LMTK2: variants seen among roughly 807,000 people sequenced by gnomAD.
LMTK2 encodes serine/threonine-protein kinase LMTK2.
A neutral mutation model predicts 127.5 loss-of-function variants in LMTK2; 37 were observed. The observed-to-expected ratio is 0.29, with a 90% confidence interval of 0.22 to 0.38. The LOEUF is 0.38. Among genes scored for constraint, LMTK2 ranks in the 10% least tolerant of loss-of-function variants. The pLI, the probability that LMTK2 is intolerant of heterozygous loss-of-function variation, is 1.00. For missense variants in LMTK2, 1,694 were observed against 1,920.3 expected (o/e 0.88, Z 2.20); for synonymous variants, 819 against 810.1 (o/e 1.01, Z -0.19).
chr7:98,188,464 A>G (rs1473732091), intron 9 of LMTK2, among the ~76,000 whole-genome samples: 1 of 151,906 alleles, frequency 6.6e-6, no homozygotes, highest in African/African-American at 2.4e-5. Flanking sequence ...AGTTATTATT[A>G]TATATATTTT....
Position 98,208,427 on chromosome 7 carries a change from G to A in LMTK2, c.*2935G>A, listed in dbSNP as rs1797841444. On this transcript the variant is annotated 3_prime_UTR_variant, in exon 14 of 14. Transcript: ENST00000297293. Reference sequence around the variant, plus strand: ...TTTTTAACTAATAAGTTGGTTATCAGTGGTGGGTTTTCAAAATGTACTTGT... The same window carrying A: ...TTTTTAACTAATAAGTTGGTTATCAATGGTGGGTTTTCAAAATGTACTTGT... The A allele has an allele frequency of 6.6e-6, 1 of 152,186 alleles. No homozygotes were observed. The highest frequency in any genetic ancestry group is 2.4e-5 in the African/African-American group (1 of 41,448). 9.4% of individuals were successfully genotyped at this position (152,186 alleles called of 1,614,324 possible). A position where few individuals can be genotyped will look rare whatever the true frequency, so the allele number is the denominator to read the frequency against.
intron 6 of LMTK2, among the ~76,000 whole-genome samples, chr7:98,160,893 G>A (rs964850896): frequency 6.6e-6 from 1 of 152,106 alleles, no homozygotes; most frequent in African/African-American, 2.4e-5. Flanking sequence ...TGGTTTTATT[G>A]ATACTAATAT....
In LMTK2 at chr7:98,190,764, T is replaced by G. The variant is rs755345580; in HGVS notation, c.1035T>G (p.Asn345Lys). 6.2e-7 allele frequency: 1 copy of G among 1,614,132 alleles called. No homozygotes were observed. Among genetic ancestry groups the G allele is most frequent in the South Asian group, 1.1e-5 (1 of 91,084 alleles). Reference protein sequence around the residue: ...LGVTLWELFDNAAQPYSNLSN... With the variant: ...LGVTLWELFDKAAQPYSNLSN... ...TGACACTTTGGGAGCTTTTTGACAA[T>G]GCCGCACAGCCGTATTCAAACCTTT... The change falls in exon 10 of 14, where the codon AAT becomes AAG. Residue 345 changes from asparagine (N) to lysine (K), a missense_variant. Physicochemically the swap from Asn to Lys is moderately conservative, Grantham distance 94 (BLOSUM62 0). Around this residue, in one of 8 missense-constraint regions of LMTK2, gnomAD observed 216 missense variants for 266.8 expected, o/e 0.81. Coordinates refer to ENST00000297293, the MANE Select transcript of LMTK2 (RefSeq NM_014916.4).
intron 1 of LMTK2, among the ~76,000 whole-genome samples, chr7:98,107,561 T>A (rs571729606): frequency 5.9e-5 from 9 of 152,354 alleles, no homozygotes; most frequent in African/African-American, 2.2e-4. Flanking sequence ...CCTGTTGCCT[T>A]AAGATCCTCA....
intron 1 of LMTK2, among the ~76,000 whole-genome samples, chr7:98,129,405 TCTTA>T (rs1456074109): frequency 1.3e-5 from 2 of 151,810 alleles, no homozygotes; most frequent in Non-Finnish European, 2.9e-5. Flanking sequence ...TGTGATAGGG[TCTTA>T]CTTTGTTGTC....
intron 5 of LMTK2, among the ~76,000 whole-genome samples, chr7:98,157,640 T>TAAAAAAAAAAAAAAAAAAAAAAA (rs34715220): frequency 3.5e-5 from 4 of 114,390 alleles, no homozygotes; most frequent in Non-Finnish European, 3.6e-5. Context: ...GCTCCCACAT[T>TAAAAAAAAAAAAAAAAAAAAAAA]AAAAAAAAAA....
At position 98,205,542 on chromosome 7, in the gene LMTK2, C is replaced by CG. The variant is rs1364709106; in HGVS notation, c.*51dup. On this transcript the variant is annotated 3_prime_UTR_variant, in exon 14 of 14. Transcript: ENST00000297293. ...GTCCGAGGCTGCTCCCCTGGAGCGG[C>CG]GCCCCTGCGCCCTCAGCCCGAGCAG... 1 of 1,594,580 alleles carries CG rather than the reference C, an allele frequency of 6.3e-7. No homozygotes were observed. Among genetic ancestry groups the CG allele is most frequent in the East Asian group, 2.2e-5 (1 of 44,682 alleles).
chr7:98,108,955 C>A lies in LMTK2; in HGVS notation c.103+1675C>A, dbSNP rs1402138735. On this transcript the variant is annotated intron_variant, in intron 1 of 13. Coordinates refer to ENST00000297293, the MANE Select transcript of LMTK2 (RefSeq NM_014916.4). Reference sequence around the variant, plus strand: ...TCAGCTGACTGCAACCCCCCCCTTCCGAGTTCAAGCAGTTCTCTGCCTCAG... The same window carrying A: ...TCAGCTGACTGCAACCCCCCCCTTCAGAGTTCAAGCAGTTCTCTGCCTCAG... 6.6e-5 allele frequency among the ~76,000 whole-genome samples: 10 copies of A among 151,112 alleles called. No individual in the cohort carries two copies. In the East Asian group the frequency reaches 2.0e-3, roughly 30 times the overall value.
rs1264016123 is a variant in LMTK2 at position 98,144,937 on chromosome 7, A to AT, written c.376+3399dup. Among the ~76,000 whole-genome samples the AT allele has an allele frequency of 1.1e-4, 16 of 152,176 alleles. No homozygotes were observed. The East Asian group carries it at 2.9e-3, about 28-fold the overall frequency. On this transcript the variant is annotated intron_variant, in intron 3 of 13. Coordinates refer to ENST00000297293, the MANE Select transcript of LMTK2 (RefSeq NM_014916.4). ...TTTAAACAGCCCCCTGTTGATGGAT[A>AT]TTTGGCTTGTTTCTAATGCGAAAAC...
At chr7:98,123,635 A>G (rs1313330253) in intron 1 of LMTK2, among the ~76,000 whole-genome samples, 1 of 151,934 alleles carries the variant, frequency 6.6e-6, no homozygotes, top group Non-Finnish European at 1.5e-5. Context: ...TCATTCATCA[A>G]CATGGATGCA....
intron 11 of LMTK2, among the ~76,000 whole-genome samples, chr7:98,198,441 G>A (rs1306761874): frequency 1.3e-5 from 2 of 152,064 alleles, no homozygotes; most frequent in East Asian, 1.9e-4. Context: ...TGCCCACCTC[G>A]GCCTCCCAGA....
intron 3 of LMTK2, among the ~76,000 whole-genome samples, chr7:98,149,344 C>A (rs746283416): frequency 1.3e-5 from 2 of 152,202 alleles, no homozygotes; most frequent in Admixed American, 6.5e-5. Context: ...AGTGGACTTT[C>A]TCCTGGCTCA....
At chr7:98,170,034 A>G (rs1584277013) in intron 6 of LMTK2, among the ~76,000 whole-genome samples, 1 of 152,244 alleles carries the variant, frequency 6.6e-6, no homozygotes, top group Non-Finnish European at 1.5e-5. Flanking sequence ...TTCTTATAAA[A>G]TACATTGATG....
chr7:98,146,966 A>G (rs936792933), intron 3 of LMTK2, among the ~76,000 whole-genome samples: 1 of 152,218 alleles, frequency 6.6e-6, no homozygotes, highest in Admixed American at 6.5e-5. Context: ...ACATTTGTTT[A>G]TCTCAGAATG....
At position 98,171,720 on chromosome 7, in the gene LMTK2, G is replaced by A; in HGVS notation, c.791+46G>A. The A allele has an allele frequency of 6.6e-7, 1 of 1,514,218 alleles. No homozygotes were observed. Among genetic ancestry groups the A allele is most frequent in the South Asian group, 1.3e-5 (1 of 75,864 alleles). The allele number at this position is 1,514,218 out of a possible 1,614,324, so 93.8% of individuals were successfully genotyped here. On this transcript the variant is annotated intron_variant, in intron 7 of 13. Coordinates refer to ENST00000297293, the MANE Select transcript of LMTK2 (RefSeq NM_014916.4). The surrounding 1 kb of genome is among the most constrained non-coding windows in gnomAD (Gnocchi z 5.1). ...TGCACGCCCCACACAGCACCGGCGG[G>A]ACAGTCCAGAGAGGCTGCCGAGTTT...
chr7:98,185,232 C>A, intron 8 of LMTK2, 97 bp downstream of exon 8: 4 of 828,660 alleles, frequency 4.8e-6, no homozygotes, highest in Non-Finnish European at 7.9e-6. Context: ...GAATCTTAGT[C>A]GCTAGGCTTT....
intron 4 of LMTK2, among the ~76,000 whole-genome samples, chr7:98,153,858 T>C (rs1248074382): frequency 6.6e-6 from 1 of 151,454 alleles, no homozygotes; most frequent in Admixed American, 6.6e-5. Flanking sequence ...AGAGCAAGAC[T>C]GTCTCAAAAA....
At chr7:98,122,607 T>C (rs1796378468) in intron 1 of LMTK2, among the ~76,000 whole-genome samples, 1 of 151,958 alleles carries the variant, frequency 6.6e-6, no homozygotes, top group South Asian at 2.1e-4. Context: ...TATGTCCTCT[T>C]TGTCTCCTGC....
chr7:98,133,487 T>G (rs1406430968), intron 1 of LMTK2, among the ~76,000 whole-genome samples: 1 of 152,174 alleles, frequency 6.6e-6, no homozygotes, highest in African/African-American at 2.4e-5. Context: ...TATGGAAGTT[T>G]TTTTTTTTCA....
Sources: allele counts gnomAD v4.1 joint callset (sites outside exome capture counted in the v4.1 genomes callset), GRCh38; gene constraint gnomAD v4.1.1; regional missense constraint gnomAD v4.1.1; non-coding constraint Gnocchi (gnomAD v3.1); transcripts MANE v1.5; gene names NCBI Gene and HGNC (gene_info 2026-07-23, HGNC 2026-07-21).